Variants in ITGAX observed in about 807,000 individuals in gnomAD.
The protein encoded by ITGAX is integrin alpha-X.
In ITGAX, 99 loss-of-function variants were observed where a neutral mutation model predicts 140.2. The ratio of observed to expected loss-of-function variants is 0.71; its 90% confidence interval spans 0.60 to 0.83. The LOEUF (loss-of-function observed/expected upper bound fraction) is 0.83. ITGAX is among the 40% of genes least tolerant of loss of function. The pLI is 0.00. For missense variants in ITGAX, 1,444 were observed against 1,482.0 expected, an observed-to-expected ratio of 0.97 and a Z score of 0.42; for synonymous variants, 631 against 600.4, an observed-to-expected ratio of 1.05 and a Z score of -0.75.
At position 31,355,431 on chromosome 16, in the gene ITGAX, T is replaced by A. The variant is rs190642771; in HGVS notation, c.37+140T>A. The A allele has an allele frequency of 8.0e-4, 694 of 862,586 alleles. 4 individuals are homozygous for A. In the African/African-American group the frequency reaches 0.011, roughly 13 times the overall value. The allele number at this position is 862,586 out of a possible 1,614,324, so 53.4% of individuals were successfully genotyped here. On this transcript the variant is annotated intron_variant, in intron 1 of 29. Transcript: ENST00000268296. The stretch of plus-strand genomic sequence containing the variant: ...CAAGCCTGAGGGGGAGGCAGGCACA[T>A]AGGGTCTGAGATTTGGAGTTTGTGG...
intron 14 of ITGAX, among the ~76,000 whole-genome samples, chr16:31,364,254 C>T (rs796882984): frequency 1.3e-4 from 20 of 151,768 alleles, no homozygotes; most frequent in African/African-American, 4.8e-4. Context: ...GAGACCCCAT[C>T]TCTAGAAAAA....
At chr16:31,369,403 T>G (rs1245216658) in intron 14 of ITGAX, among the ~76,000 whole-genome samples, 1 of 152,178 alleles carries the variant, frequency 6.6e-6, no homozygotes, top group Non-Finnish European at 1.5e-5. Context: ...CGACTCCAAC[T>G]TTCAAAGAAG....
chr16:31,359,817 G>T lies in ITGAX; in HGVS notation c.548G>T (p.Arg183Ile). 6.2e-7 allele frequency: 1 copy of T among 1,614,162 alleles called. No individual in the cohort carries two copies. The highest frequency in any genetic ancestry group is 8.5e-7 in the Non-Finnish European group (1 of 1,180,038). Residue 183 changes from arginine (R) to isoleucine (I), a missense_variant, in exon 6 of 30, where the codon AGA becomes ATA. Coordinates refer to ENST00000268296, the MANE Select transcript of ITGAX (RefSeq NM_000887.5). ...AGAGCTGTGATAAGCCAGTTCCAGA[G>T]ACCCAGCACCCAGGTGTGCCTTTGG... is the stretch of plus-strand genomic sequence containing the variant. ...FVRAVISQFQRPSTQFSLMQF... is the reference protein window; with the variant it reads ...FVRAVISQFQIPSTQFSLMQF...
At chr16:31,371,574 C>T (rs1201819008) in intron 16 of ITGAX, 56 bp from the exon 17 acceptor site, 9 of 1,610,932 alleles carry the variant, frequency 5.6e-6, no homozygotes, top group Non-Finnish European at 7.6e-6. Context: ...TCCCACCCTG[C>T]TCATTGTCCA....
chr16:31,380,518 T>C lies in ITGAX; in HGVS notation c.3175-5T>C, dbSNP rs2081059243. 1.2e-6 allele frequency: 2 copies of C among 1,614,118 alleles called. No individual in the cohort carries two copies. Among genetic ancestry groups the C allele is most frequent in the Non-Finnish European group, 1.7e-6 (2 of 1,180,052 alleles). On this transcript the variant is annotated splice_polypyrimidine_tract_variant and splice_region_variant and intron_variant, in intron 27 of 29. Coordinates refer to ENST00000268296, the MANE Select transcript of ITGAX (RefSeq NM_000887.5). ...TTCAACAGGTTTCCCCCAACCCCTT[T>C]GCAGATATTGCAGAAGAAGGTGTCG... is the stretch of plus-strand genomic sequence containing the variant.
At chr16:31,361,664 C>G in intron 9 of ITGAX, 172 bp from the exon 10 acceptor site, 1 of 793,514 alleles carries the variant, frequency 1.3e-6, no homozygotes, top group South Asian at 1.5e-5. Flanking sequence ...ATCCATGGAG[C>G]AGAGGGGGGC....
chr16:31,361,198 A>T lies in ITGAX; in HGVS notation c.997A>T (p.Ile333Phe), dbSNP rs1027745110. 6 of 1,611,898 alleles carry T rather than the reference A, an allele frequency of 3.7e-6. No individual in the cohort carries two copies. In the African/African-American group the frequency reaches 6.7e-5, roughly 18 times the overall value. The stretch of plus-strand genomic sequence containing the variant: ...TATTCAAAACCAACTGAAGGAGAAG[A>T]TCTTTGCCATTGAGGGTGAGTCTGA... ...KDIQNQLKEK[I>F]FAIEGTETTS... The change falls in exon 9 of 30, where the codon ATC (isoleucine) becomes TTC (phenylalanine). Residue 333 changes from isoleucine (I) to phenylalanine (F), a missense_variant. By Grantham distance (21) the Ile-to-Phe change is conservative. Coordinates refer to ENST00000268296, the MANE Select transcript of ITGAX (RefSeq NM_000887.5).
In ITGAX at chr16:31,371,404, G is replaced by C; in HGVS notation, c.1912G>C (p.Glu638Gln). Residue 638 changes from glutamate to glutamine, a missense_variant, in exon 16 of 30, where the codon GAG becomes CAG. Glu to Gln is a conservative substitution (Grantham distance 29). Coordinates refer to ENST00000268296, the MANE Select transcript of ITGAX (RefSeq NM_000887.5). ...TGCCGAGATCCCCAGGTCTGCGTTTGAGTGTCGGGAGCAGGTGGTCTCTGA... is the reference window on the plus strand; with the variant it reads ...TGCCGAGATCCCCAGGTCTGCGTTTCAGTGTCGGGAGCAGGTGGTCTCTGA... Reference protein sequence around the residue: ...IPAEIPRSAFECREQVVSEQT... With the variant: ...IPAEIPRSAFQCREQVVSEQT... 1 of 1,614,226 alleles carries C rather than the reference G, an allele frequency of 6.2e-7. No homozygotes were observed. Among genetic ancestry groups the C allele is most frequent in the Non-Finnish European group, 8.5e-7 (1 of 1,180,044 alleles).
chr16:31,361,772 G>A (rs2080828485), intron 9 of ITGAX, 64 bp from the exon 10 acceptor site: 1 of 1,517,554 alleles, frequency 6.6e-7, no homozygotes, highest in Admixed American at 1.7e-5. Flanking sequence ...TAAAGCTGAA[G>A]TGTTCTTGGA....
Position 31,356,738 on chromosome 16 carries a change from C to G in ITGAX, c.247+10C>G, listed in dbSNP as rs1243656402. ...CCCATCGGCCTGCAGGGTGAGTCAC[C>G]GCCCCTCCCGGGACCCAGGGCCGGG... On this transcript the variant is annotated intron_variant, in intron 3 of 29. Transcript: ENST00000268296. The G allele has an allele frequency of 4.5e-6, 7 of 1,560,828 alleles. No homozygotes were observed. Among genetic ancestry groups the G allele is most frequent in the Non-Finnish European group, 6.1e-6 (7 of 1,150,290 alleles).
At chr16:31,377,107 C>T (rs1270827307) in intron 22 of ITGAX, 28 bp downstream of exon 22, 2 of 1,612,614 alleles carry the variant, frequency 1.2e-6, no homozygotes. Context: ...AGGGGCAGTG[C>T]CCCTCATCTC....
intron 8 of ITGAX, 115 bp from the exon 9 acceptor site, chr16:31,360,948 T>C (rs2080817961): frequency 1.0e-6 from 1 of 996,344 alleles, no homozygotes; most frequent in South Asian, 1.4e-5. Flanking sequence ...GTTTCTCCTG[T>C]GTCCACCGGG....
rs2080835829 is a variant in ITGAX, at chr16:31,362,212, A to G, written c.1216+8A>G. ...TGAGGGACTCTTACCTGGGTGAGAA[A>G]CAGCCAGGGGTTGGGGACAGGTGGG... On this transcript the variant is annotated splice_region_variant and intron_variant, in intron 11 of 29. Coordinates refer to ENST00000268296, the MANE Select transcript of ITGAX (RefSeq NM_000887.5). 1.2e-6 allele frequency: 2 copies of G among 1,613,194 alleles called. No homozygotes were observed. The highest frequency in any genetic ancestry group is 1.3e-5 in the African/African-American group (1 of 74,784).
chr16:31,377,312 TC>T, intron 23 of ITGAX, 47 bp downstream of exon 23: 1 of 1,165,780 alleles, frequency 8.6e-7, no homozygotes, highest in South Asian at 1.5e-5. Flanking sequence ...CTCTCTGACC[TC>T]AAAAAGAAAA....
At chr16:31,373,192 A>C in intron 19 of ITGAX, 57 bp from the exon 20 acceptor site, 1 of 1,327,728 alleles carries the variant, frequency 7.5e-7, no homozygotes, top group South Asian at 1.3e-5. Context: ...TTTATCCCAG[A>C]CCATTTCTAG....
Position 31,363,165 on chromosome 16 carries a change from T to C in ITGAX, c.1501T>C (p.Trp501Arg), listed in dbSNP as rs765179262. The C allele has an allele frequency of 6.8e-6, 11 of 1,609,094 alleles. No individual in the cohort carries two copies. The Admixed American group carries it at 1.9e-4, about 27-fold the overall frequency. Residue 501 changes from tryptophan to arginine, a missense_variant and splice_region_variant, in exon 14 of 30, where the codon TGG (tryptophan) becomes CGG (arginine). Physicochemically the swap from Trp to Arg is moderately radical, Grantham distance 101 (BLOSUM62 -3). Coordinates refer to ENST00000268296, the MANE Select transcript of ITGAX (RefSeq NM_000887.5). ...QVSVCPLPRG[W>R]RRWWCDAVLY... ...GCCTGGCACTGCTTTTTTTCTGCAG[T>C]GGAGAAGGTGGTGGTGTGATGCTGT...
At chr16:31,371,554 G>A (rs2080960612) in intron 16 of ITGAX, 57 bp downstream of exon 16, 1 of 1,609,540 alleles carries the variant, frequency 6.2e-7, no homozygotes, top group Non-Finnish European at 8.5e-7. Context: ...CCCCATCCCA[G>A]GCCCCTGTCT....
At position 31,377,053 on chromosome 16, in the gene ITGAX, G is replaced by A; in HGVS notation, c.2679G>A (p.Arg893=). The A allele has an allele frequency of 6.2e-7, 1 of 1,614,204 alleles. No homozygotes were observed. Among genetic ancestry groups the A allele is most frequent in the Non-Finnish European group, 8.5e-7 (1 of 1,180,034 alleles). Residue 893 remains arginine (R), a synonymous_variant, in exon 22 of 30, where the codon CGG becomes CGA. Transcript: ENST00000268296. ...CCCCCAAGGCTGTCCTGGGAGACCG[G>A]CTGCTTCTGACAGCCAATGTGAGCA... ...DVSPKAVLGD[R]LLLTANVSSE...
chr16:31,371,168 C>T lies in ITGAX; in HGVS notation c.1795C>T (p.Leu599=). The T allele has an allele frequency of 6.2e-7, 1 of 1,612,950 alleles. No individual in the cohort carries two copies. The change falls in exon 15 of 30, where the codon CTG becomes TTG. Residue 599 remains leucine (L), a synonymous_variant. Coordinates refer to ENST00000268296, the MANE Select transcript of ITGAX (RefSeq NM_000887.5). ...SGGQDLTQDG[L]VDLAVGARGQ... ...GGGTCAAGACCTCACCCAGGATGGA[C>T]TGGTGGACCTGGCTGTGGGGGCCCG...
Sources: allele counts gnomAD v4.1 joint callset (sites outside exome capture counted in the v4.1 genomes callset), GRCh38; gene constraint gnomAD v4.1.1; transcripts MANE v1.5; gene names NCBI Gene and HGNC (gene_info 2026-07-23, HGNC 2026-07-21).